ARHGEF3: variants seen among roughly 807,000 people sequenced by gnomAD.
The protein encoded by ARHGEF3 is 59.8 kDA protein.
A neutral mutation model predicts 63.2 loss-of-function variants in ARHGEF3; 28 were observed. The observed-to-expected ratio is 0.44, with a 90% CI of 0.33 to 0.61. The LOEUF is 0.61. Ranked by LOEUF, ARHGEF3 falls within the 20% of genes least tolerant of loss-of-function variation. ARHGEF3 has a pLI of 0.03. For synonymous variants in ARHGEF3, 266 were observed against 254.2 expected, an observed-to-expected ratio of 1.05 and a Z score of -0.44; for missense variants, 533 against 659.3, an observed-to-expected ratio of 0.81 and a Z score of 2.10.
intron 2 of ARHGEF3, among the ~76,000 whole-genome samples, chr3:56,995,319 C>A (rs1363857108): frequency 6.6e-6 from 1 of 152,102 alleles, no homozygotes; most frequent in African/African-American, 2.4e-5. Flanking sequence ...ACTTTGACAA[C>A]TGTCCTTTAC....
Position 57,007,373 on chromosome 3 carries a change from A to T in ARHGEF3, c.62+27715T>A, listed in dbSNP as rs1227444703. The T allele has an allele frequency of 4.7e-6, 6 of 1,288,492 alleles. No individual in the cohort carries two copies. The Admixed American group carries it at 1.2e-4, about 25-fold the overall frequency. The allele number at this position is 1,288,492 out of a possible 1,614,324, so 79.8% of individuals were successfully genotyped here. A position where few individuals can be genotyped will look rare whatever the true frequency, so the allele number is the denominator to read the frequency against. On this transcript the variant is annotated intron_variant, in intron 2 of 12. Transcript: ENST00000338458. ...ACAGCCATGAAACAGTCACCACTGC[A>T]CGTGCCTTCTGCTGAGGCTGAGCTG...
chr3:56,967,022 C>A (rs925439308), intron 2 of ARHGEF3, among the ~76,000 whole-genome samples: 14 of 150,142 alleles, frequency 9.3e-5, no homozygotes, highest in African/African-American at 3.4e-4. Flanking sequence ...CGCCACCATG[C>A]CCGGCTAATT....
chr3:56,845,131 A>AGCT (rs2039444456), intron 4 of ARHGEF3, among the ~76,000 whole-genome samples: 1 of 152,136 alleles, frequency 6.6e-6, no homozygotes, highest in Admixed American at 6.5e-5. Flanking sequence ...AACCACAAGA[A>AGCT]GCTGAATGCT....
chr3:56,787,450 A>G (rs186001613), intron 1 of ARHGEF3, among the ~76,000 whole-genome samples: 4 of 152,246 alleles, frequency 2.6e-5, no homozygotes, highest in Admixed American at 2.0e-4. Context: ...GTGACTCTGA[A>G]GCACTATATA....
At chr3:56,993,789 C>A (rs1375546097) in intron 2 of ARHGEF3, among the ~76,000 whole-genome samples, 1 of 150,798 alleles carries the variant, frequency 6.6e-6, no homozygotes, top group Non-Finnish European at 1.5e-5. Context: ...CACTGTAGGC[C>A]AGGCGCGGTG....
chr3:56,825,961 G>A (rs537861427), intron 4 of ARHGEF3, among the ~76,000 whole-genome samples: 11 of 152,294 alleles, frequency 7.2e-5, no homozygotes, highest in African/African-American at 2.4e-4. Flanking sequence ...CTTCCTTCTA[G>A]TAACTGGTTC....
At chr3:56,935,491 T>A (rs1328794369) in intron 3 of ARHGEF3, among the ~76,000 whole-genome samples, 1 of 152,144 alleles carries the variant, frequency 6.6e-6, no homozygotes, top group African/African-American at 2.4e-5. Context: ...TTGCTACTGC[T>A]CACTCTTTGG....
intron 3 of ARHGEF3, among the ~76,000 whole-genome samples, chr3:56,883,524 T>C (rs936007889): frequency 6.6e-6 from 1 of 152,190 alleles, no homozygotes; most frequent in Non-Finnish European, 1.5e-5. Flanking sequence ...CTCAAACTCC[T>C]GGGCTCAAGT....
intron 3 of ARHGEF3, among the ~76,000 whole-genome samples, chr3:56,938,286 A>G (rs904323383): frequency 1.3e-5 from 2 of 152,310 alleles, no homozygotes; most frequent in Non-Finnish European, 2.9e-5. Context: ...AAGAATTTTA[A>G]TCTTCACACT....
intron 2 of ARHGEF3, among the ~76,000 whole-genome samples, chr3:56,759,514 T>C (rs1267174742): frequency 6.6e-6 from 1 of 152,070 alleles, no homozygotes; most frequent in Non-Finnish European, 1.5e-5. Flanking sequence ...AGGTGAAATT[T>C]ACATAACTCA....
At chr3:56,835,228 T>C (rs571737533) in intron 4 of ARHGEF3, among the ~76,000 whole-genome samples, 41 of 152,206 alleles carry the variant, frequency 2.7e-4, no homozygotes, top group Middle Eastern at 6.8e-3. Context: ...CAGGCTGGAG[T>C]GCAATGGTGT....
intron 2 of ARHGEF3, among the ~76,000 whole-genome samples, chr3:56,998,865 A>T (rs1702086903): frequency 6.6e-6 from 1 of 152,118 alleles, no homozygotes; most frequent in Admixed American, 6.5e-5. Flanking sequence ...TCCCATGTCC[A>T]CCTTTAAGCA....
At chr3:57,067,861 G>T (rs1316879060) in intron 1 of ARHGEF3, among the ~76,000 whole-genome samples, 1 of 151,704 alleles carries the variant, frequency 6.6e-6, no homozygotes, top group Non-Finnish European at 1.5e-5. Context: ...AAAGTGGCGG[G>T]CTCCTGTGGT....
Position 56,768,667 on chromosome 3 carries a change from C to CAA in ARHGEF3, c.204+5040_204+5041dup, listed in dbSNP as rs770390697. Among the ~76,000 whole-genome samples the CAA allele has an allele frequency of 8.2e-4, 36 of 44,048 alleles. 1 individual carries two copies. Among genetic ancestry groups the CAA allele is most frequent in the South Asian group, 1.8e-3 (3 of 1,698 alleles). 28.9% of individuals were successfully genotyped at this position (44,048 alleles called of 152,430 possible). On this transcript the variant is annotated intron_variant, in intron 2 of 9. Transcript: ENST00000296315. Reference sequence around the variant, plus strand: ...GGAATAAAACACATTAAGCAAAATGCAAAAAAAAAAAAAAAAGAAGAAGAT... The same window carrying CAA: ...GGAATAAAACACATTAAGCAAAATGCAAAAAAAAAAAAAAAAAAGAAGAAGAT...
At chr3:56,894,606 G>A (rs1430863298) in intron 3 of ARHGEF3, among the ~76,000 whole-genome samples, 8 of 152,138 alleles carry the variant, frequency 5.3e-5, no homozygotes, top group African/African-American at 7.2e-5. Flanking sequence ...CCTGGGTGAC[G>A]TGGCAAGACC....
intron 1 of ARHGEF3, among the ~76,000 whole-genome samples, chr3:57,046,213 A>G (rs1182794208): frequency 6.6e-6 from 1 of 152,252 alleles, no homozygotes; most frequent in African/African-American, 2.4e-5. Flanking sequence ...AAGATCCCAG[A>G]GATGTGCACA....
intron 2 of ARHGEF3, among the ~76,000 whole-genome samples, chr3:56,959,660 T>C (rs1425146403): frequency 1.3e-5 from 2 of 152,228 alleles, no homozygotes; most frequent in Non-Finnish European, 2.9e-5. Flanking sequence ...CCTTGGACTT[T>C]TCCTGGGGCT....
At chr3:57,052,563 C>G (rs193119276) in intron 1 of ARHGEF3, among the ~76,000 whole-genome samples, 1 of 152,088 alleles carries the variant, frequency 6.6e-6, no homozygotes, top group Admixed American at 6.5e-5. Context: ...TCCCAAAGTG[C>G]TGGGATTACA....
chr3:56,741,589 C>T (rs1195305278), intron 7 of ARHGEF3, among the ~76,000 whole-genome samples: 4 of 149,090 alleles, frequency 2.7e-5, no homozygotes, highest in African/African-American at 4.9e-5. Flanking sequence ...CTGCAAGCTC[C>T]GCCTCCCAGG....
Sources: allele counts gnomAD v4.1 joint callset (sites outside exome capture counted in the v4.1 genomes callset), GRCh38; gene constraint gnomAD v4.1.1; transcripts MANE v1.5; gene names NCBI Gene and HGNC (gene_info 2026-07-23, HGNC 2026-07-21).